Variants in LITAF observed in about 807,000 individuals in gnomAD.
The protein encoded by LITAF is lipopolysaccharide-induced tumor necrosis factor-alpha factor.
A neutral mutation model predicts 14.5 loss-of-function variants in LITAF; 9 were observed. That is an observed-to-expected ratio of 0.62 (90% confidence interval 0.37 to 1.08). LITAF has a LOEUF of 1.08. LITAF is among the 50% of genes least tolerant of loss of function. The pLI, the probability that LITAF is intolerant of heterozygous loss-of-function variation, is 0.01. For synonymous variants in LITAF, 98 were observed against 88.2 expected, an observed-to-expected ratio of 1.11 and a Z score of -0.62; for missense variants, 206 against 213.4, an observed-to-expected ratio of 0.97 and a Z score of 0.22.
chr16:11,609,741 A>G (rs1052956365), intron 3 of LITAF, among the ~76,000 whole-genome samples: 2 of 151,978 alleles, frequency 1.3e-5, no homozygotes, highest in Admixed American at 1.3e-4. Flanking sequence ...GACCGTAAAC[A>G]TTTGTCCCTG....
chr16:11,589,076 A>G (rs1279429958), upstream of LITAF, among the ~76,000 whole-genome samples: 2 of 152,184 alleles, frequency 1.3e-5, no homozygotes, highest in Admixed American at 6.5e-5. Flanking sequence ...TGAGCTTGCA[A>G]TTATTTATGG....
chr16:11,586,922 G>A (rs1198095748), upstream of LITAF: 2 of 150,938 alleles, frequency 1.3e-5, no homozygotes, highest in African/African-American at 4.9e-5. This position sits in a 1 kb window ranked among gnomAD's most constrained non-coding sequence, Gnocchi z 6.5. Flanking sequence ...GGAGGTCTGA[G>A]CTGGCCTCTC....
At chr16:11,635,076 A>T (rs932099256) in intron 2 of LITAF, among the ~76,000 whole-genome samples, 12 of 69,314 alleles carry the variant, frequency 1.7e-4, no homozygotes, top group African/African-American at 1.1e-3. Flanking sequence ...AAATAAAATA[A>T]AATAAAATAA....
intron 3 of LITAF, among the ~76,000 whole-genome samples, chr16:11,610,323 AG>A (rs1236162292): frequency 3.9e-5 from 6 of 152,190 alleles, no homozygotes; most frequent in Non-Finnish European, 2.9e-5. Flanking sequence ...ATGTCCGGCA[AG>A]GGGTCTATTA....
At chr16:11,628,429 C>G (rs1484929731) in intron 3 of LITAF, among the ~76,000 whole-genome samples, 1 of 152,208 alleles carries the variant, frequency 6.6e-6, no homozygotes, top group Non-Finnish European at 1.5e-5. Flanking sequence ...AAGGAGACAT[C>G]CGGAGATCTT....
upstream of LITAF, among the ~76,000 whole-genome samples, chr16:11,601,344 G>A (rs546491599): frequency 1.7e-4 from 26 of 151,920 alleles, no homozygotes; most frequent in African/African-American, 3.9e-4. Flanking sequence ...CCTTCATGGG[G>A]CTACCACAAT....
At chr16:11,638,099 T>G (rs1052010607), upstream of LITAF, among the ~76,000 whole-genome samples, 153 of 127,660 alleles carry the variant, frequency 1.2e-3, 11 homozygotes, top group Middle Eastern at 3.9e-3. Flanking sequence ...TATCTATCTA[T>G]ATATATATAT....
At chr16:11,593,844 G>T (rs185337027) in intron 1 of LITAF, among the ~76,000 whole-genome samples, 1 of 152,252 alleles carries the variant, frequency 6.6e-6, no homozygotes, top group East Asian at 1.9e-4. Context: ...GGATTGGGGG[G>T]TGACTGCCCA....
chr16:11,552,674 C>A (rs1004064411), intron 3 of LITAF, among the ~76,000 whole-genome samples: 3 of 152,082 alleles, frequency 2.0e-5, no homozygotes, highest in Admixed American at 1.3e-4. Context: ...GGGACGGATA[C>A]GCTTAAGAGC....
At chr16:11,604,831 G>C (rs1485953987) in intron 3 of LITAF, among the ~76,000 whole-genome samples, 1 of 151,022 alleles carries the variant, frequency 6.6e-6, no homozygotes, top group Admixed American at 6.6e-5. Flanking sequence ...GACGAGAAAA[G>C]TATAGACATT....
intron 3 of LITAF, among the ~76,000 whole-genome samples, chr16:11,612,718 CTGTT>C (rs1413500860): frequency 2.0e-5 from 3 of 152,144 alleles, no homozygotes; most frequent in Non-Finnish European, 4.4e-5. Context: ...CCTGACATCT[CTGTT>C]TGTCCACGTC....
chr16:11,620,893 C>T (rs937478376), intron 3 of LITAF, among the ~76,000 whole-genome samples: 2 of 152,122 alleles, frequency 1.3e-5, no homozygotes, highest in African/African-American at 4.8e-5. Context: ...ACACTGGGCT[C>T]GCCATTTGTG....
intron 1 of LITAF, among the ~76,000 whole-genome samples, chr16:11,577,921 G>T (rs1437477906): frequency 6.6e-6 from 1 of 151,334 alleles, no homozygotes; most frequent in East Asian, 1.9e-4. Flanking sequence ...ATGGGGTCTT[G>T]CTCATTCCAC....
intron 3 of LITAF, among the ~76,000 whole-genome samples, chr16:11,618,017 C>T (rs2065028663): frequency 6.6e-6 from 1 of 152,074 alleles, no homozygotes; most frequent in Admixed American, 6.6e-5. Context: ...ACTACAGGTG[C>T]ATGCCACCAC....
At chr16:11,620,184 G>A (rs867783741) in intron 3 of LITAF, among the ~76,000 whole-genome samples, 3,214 of 146,636 alleles carry the variant, frequency 0.022, 153 homozygotes, top group African/African-American at 0.079. Context: ...AAAAAAAAAA[G>A]AAAAGAAAAG....
chr16:11,564,764 C>T (rs1343575638), intron 1 of LITAF, among the ~76,000 whole-genome samples: 1 of 152,124 alleles, frequency 6.6e-6, no homozygotes, highest in Non-Finnish European at 1.5e-5. Flanking sequence ...GGCTCCACGA[C>T]AGCCCTGGAA....
At chr16:11,568,316 G>A (rs1157469632) in intron 1 of LITAF, among the ~76,000 whole-genome samples, 2 of 151,708 alleles carry the variant, frequency 1.3e-5, no homozygotes, top group African/African-American at 4.8e-5. Context: ...AAAGAGAGAG[G>A]GTAGTTCTTA....
At chr16:11,608,912 G>T (rs2064968066) in intron 3 of LITAF, among the ~76,000 whole-genome samples, 1 of 151,966 alleles carries the variant, frequency 6.6e-6, no homozygotes, top group South Asian at 2.1e-4. Context: ...GTAGTGAGCT[G>T]CACTCCAGCC....
chr16:11,560,032 C>T (rs2064335842), intron 1 of LITAF, among the ~76,000 whole-genome samples: 1 of 151,976 alleles, frequency 6.6e-6, no homozygotes, highest in Non-Finnish European at 1.5e-5. Context: ...CACAGTGGCT[C>T]ACGACTATAA....
Sources: allele counts gnomAD v4.1 joint callset (sites outside exome capture counted in the v4.1 genomes callset), GRCh38; gene constraint gnomAD v4.1.1; non-coding constraint Gnocchi (gnomAD v3.1); transcripts MANE v1.5; gene names NCBI Gene and HGNC (gene_info 2026-07-23, HGNC 2026-07-21).